Variants in KCNS3 observed in about 807,000 individuals in gnomAD.
KCNS3 encodes delayed-rectifier potassium channel regulatory subunit KCNS3.
In KCNS3, 13 loss-of-function variants were observed where a neutral mutation model predicts 31.0. That is an observed-to-expected ratio of 0.42 (90% confidence interval 0.27 to 0.67). The LOEUF (loss-of-function observed/expected upper bound fraction) is 0.67, where lower values mean the gene tolerates loss of function less well. Among genes scored for constraint, KCNS3 ranks in the 30% least tolerant of loss-of-function variants. KCNS3 has a pLI of 0.25. For missense variants in KCNS3, 545 were observed against 622.4 expected, an observed-to-expected ratio of 0.88 and a Z score of 1.32; for synonymous variants, 238 against 241.5, an observed-to-expected ratio of 0.99 and a Z score of 0.13.
intron 1 of KCNS3, among the ~76,000 whole-genome samples, chr2:17,890,551 G>A (rs1661822264): frequency 6.6e-6 from 1 of 151,866 alleles, no homozygotes; most frequent in Admixed American, 6.6e-5. Flanking sequence ...GACTTTTTGA[G>A]GTAGGCACTT....
intron 1 of KCNS3, among the ~76,000 whole-genome samples, chr2:17,904,573 T>C (rs1454951912): frequency 6.6e-6 from 1 of 152,156 alleles, no homozygotes; most frequent in Non-Finnish European, 1.5e-5. Flanking sequence ...GGTTTTCCTC[T>C]AGGGTTTTTA....
intron 1 of KCNS3, among the ~76,000 whole-genome samples, chr2:17,907,055 G>C (rs1662336999): frequency 6.6e-6 from 1 of 152,176 alleles, no homozygotes; most frequent in East Asian, 1.9e-4. Flanking sequence ...TGTTGACAGT[G>C]GGGTGTTAAA....
chr2:17,895,213 G>A (rs184865797), intron 1 of KCNS3, among the ~76,000 whole-genome samples: 1 of 151,986 alleles, frequency 6.6e-6, no homozygotes, highest in Non-Finnish European at 1.5e-5. Context: ...GTTAAGTAAA[G>A]CTTTTTTTTT....
intron 1 of KCNS3, among the ~76,000 whole-genome samples, chr2:17,909,299 C>G (rs575214924): frequency 1.3e-5 from 2 of 152,186 alleles, no homozygotes; most frequent in African/African-American, 2.4e-5. Flanking sequence ...TTGCTAAGAC[C>G]GTTGGAAAAG....
chr2:17,901,375 T>C (rs1192071169), intron 1 of KCNS3, among the ~76,000 whole-genome samples: 1 of 152,174 alleles, frequency 6.6e-6, no homozygotes, highest in African/African-American at 2.4e-5. Flanking sequence ...TGTATTTGCT[T>C]GCCCTCAGTG....
At chr2:17,920,540 G>A (rs941801217) in intron 2 of KCNS3, among the ~76,000 whole-genome samples, 1 of 152,170 alleles carries the variant, frequency 6.6e-6, no homozygotes, top group Non-Finnish European at 1.5e-5. Flanking sequence ...TTCATTTTAC[G>A]CTGCCAGGGA....
chr2:17,878,949 G>A (rs903750375), intron 1 of KCNS3, 143 bp downstream of exon 1: 7 of 152,256 alleles, frequency 4.6e-5, no homozygotes, highest in Non-Finnish European at 1.0e-4. Flanking sequence ...GAGGGTCTAC[G>A]GCCGCAGAGC....
intron 1 of KCNS3, among the ~76,000 whole-genome samples, chr2:17,891,963 T>C (rs1661866027): frequency 6.6e-6 from 1 of 152,216 alleles, no homozygotes; most frequent in Non-Finnish European, 1.5e-5. Flanking sequence ...TGGATTTGGA[T>C]GTCTAGGTCT....
At chr2:17,900,958 A>G (rs929388319) in intron 1 of KCNS3, among the ~76,000 whole-genome samples, 3 of 152,208 alleles carry the variant, frequency 2.0e-5, no homozygotes, top group Non-Finnish European at 4.4e-5. Flanking sequence ...TTTAATCCTC[A>G]TAACTTCTCT....
chr2:17,909,108 A>C (rs1662410729), intron 1 of KCNS3, among the ~76,000 whole-genome samples: 1 of 152,230 alleles, frequency 6.6e-6, no homozygotes, highest in Non-Finnish European at 1.5e-5. Flanking sequence ...GGCTCCACCC[A>C]GTTCGAGCTT....
At chr2:17,886,294 T>G (rs1422146307) in intron 1 of KCNS3, among the ~76,000 whole-genome samples, 1 of 152,214 alleles carries the variant, frequency 6.6e-6, no homozygotes, top group Non-Finnish European at 1.5e-5. Context: ...TTTCCTATGA[T>G]TTACTTGAGA....
At chr2:17,919,404 C>T (rs1662661544) in intron 2 of KCNS3, 1 of 152,178 alleles carries the variant, frequency 6.6e-6, no homozygotes, top group Non-Finnish European at 1.5e-5. Context: ...ATTTTATCCT[C>T]AAGGTGGGTT....
At chr2:17,908,402 C>T (rs185019641) in intron 1 of KCNS3, among the ~76,000 whole-genome samples, 63 of 152,300 alleles carry the variant, frequency 4.1e-4, no homozygotes, top group Middle Eastern at 3.4e-3. Flanking sequence ...GCCATGGGTT[C>T]GAACTTCCTC....
intron 2 of KCNS3, among the ~76,000 whole-genome samples, chr2:17,919,172 C>A (rs528630712): frequency 6.6e-6 from 1 of 152,216 alleles, no homozygotes; most frequent in East Asian, 1.9e-4. Flanking sequence ...TACAGAGATC[C>A]CTGGAGTTTC....
intron 1 of KCNS3, among the ~76,000 whole-genome samples, chr2:17,885,081 A>G (rs983110122): frequency 6.6e-6 from 1 of 152,052 alleles, no homozygotes; most frequent in South Asian, 2.1e-4. Context: ...ATGAATGGGG[A>G]TGTAGGAACA....
chr2:17,927,622 G>A (rs1225820150), intron 2 of KCNS3, among the ~76,000 whole-genome samples: 3 of 152,082 alleles, frequency 2.0e-5, no homozygotes, highest in East Asian at 3.9e-4. Flanking sequence ...TGAGCAAAGG[G>A]GGAAGAGCCC....
intron 1 of KCNS3, among the ~76,000 whole-genome samples, chr2:17,888,629 G>GTATATC (rs35102585): frequency 0.037 from 3,416 of 92,238 alleles, 210 homozygotes; most frequent in South Asian, 0.062. Flanking sequence ...TAAAAAAAAT[G>GTATATC]TATATATATA....
Position 17,888,649 on chromosome 2 carries a change from A to C in KCNS3, c.-252+9843A>C, listed in dbSNP as rs1355283292. Among the ~76,000 whole-genome samples the C allele has an allele frequency of 5.9e-4, 78 of 132,078 alleles. 7 individuals are homozygous for C. The East Asian group carries it at 0.01, about 17-fold the overall frequency. The allele number at this position is 132,078 out of a possible 152,430, so 86.6% of individuals were successfully genotyped here. ...AAAATGTATATATATATATATATATATATATATATATATATATATATATAA... is the reference window on the plus strand; with the variant it reads ...AAAATGTATATATATATATATATATCTATATATATATATATATATATATAA... On this transcript the variant is annotated intron_variant, in intron 1 of 2. Coordinates refer to ENST00000304101, the MANE Select transcript of KCNS3 (RefSeq NM_002252.5).
chr2:17,916,654 C>T (rs1662593397), intron 1 of KCNS3, among the ~76,000 whole-genome samples: 1 of 152,128 alleles, frequency 6.6e-6, no homozygotes, highest in Non-Finnish European at 1.5e-5. Flanking sequence ...CCTCCATTGC[C>T]CCTTGATGTT....
Sources: allele counts gnomAD v4.1 joint callset (sites outside exome capture counted in the v4.1 genomes callset), GRCh38; gene constraint gnomAD v4.1.1; transcripts MANE v1.5; gene names NCBI Gene and HGNC (gene_info 2026-07-23, HGNC 2026-07-21).